IL1RAPL2: variants seen among roughly 807,000 people sequenced by gnomAD.
The protein encoded by IL1RAPL2 is X-linked interleukin-1 receptor accessory protein-like 2.
Under a neutral mutation model 44.1 loss-of-function variants are expected in IL1RAPL2, and 3 were observed. The observed-to-expected ratio is 0.07, with a 90% CI of 0.03 to 0.18. IL1RAPL2 has a LOEUF of 0.18. Among genes scored for constraint, IL1RAPL2 ranks in the 10% least tolerant of loss-of-function variants. The pLI, the probability that IL1RAPL2 is intolerant of heterozygous loss-of-function variation, is 1.00. For synonymous variants in IL1RAPL2, 181 were observed against 178.8 expected, an observed-to-expected ratio of 1.01 and a Z score of -0.10; for missense variants, 391 against 496.4, an observed-to-expected ratio of 0.79 and a Z score of 2.02.
At chrX:104,895,399 C>T (rs980574429) in intron 2 of IL1RAPL2, among the ~76,000 whole-genome samples, 8 of 112,780 alleles carry the variant, frequency 7.1e-5, no homozygotes, top group Admixed American at 3.7e-4. Flanking sequence ...TCTACAGAGG[C>T]AGGCAGGACT....
At chrX:105,198,190 A>T (rs76383813) in intron 3 of IL1RAPL2, among the ~76,000 whole-genome samples, 1,634 of 111,876 alleles carry the variant, frequency 0.015, 26 homozygotes, top group African/African-American at 0.05. Flanking sequence ...GCTATTGTGA[A>T]TAGCACTACG....
chrX:104,843,832 C>T (rs1176003023), intron 2 of IL1RAPL2, among the ~76,000 whole-genome samples: 3 of 110,564 alleles, frequency 2.7e-5, no homozygotes, highest in East Asian at 2.9e-4. Context: ...AGAGCTGTTT[C>T]TATTCGGCCA....
At chrX:104,885,476 C>T (rs1265352344) in intron 2 of IL1RAPL2, among the ~76,000 whole-genome samples, 5 of 111,896 alleles carry the variant, frequency 4.5e-5, no homozygotes, top group African/African-American at 1.3e-4. Context: ...AATATACTCC[C>T]CTGTCACCCA....
intron 2 of IL1RAPL2, among the ~76,000 whole-genome samples, chrX:105,162,754 G>A (rs961584293): frequency 2.7e-5 from 3 of 111,288 alleles, no homozygotes; most frequent in Non-Finnish European, 5.7e-5. Flanking sequence ...CTTGCAAACA[G>A]CAAACATTTA....
At chrX:104,682,942 G>A (rs762283162) in intron 2 of IL1RAPL2, among the ~76,000 whole-genome samples, 2 of 111,356 alleles carry the variant, frequency 1.8e-5, no homozygotes, top group African/African-American at 3.3e-5. Context: ...AACCAAATTC[G>A]AATGTGACTG....
At chrX:105,042,958 C>T (rs12859375) in intron 2 of IL1RAPL2, among the ~76,000 whole-genome samples, 1 of 105,544 alleles carries the variant, frequency 9.5e-6, no homozygotes, top group African/African-American at 3.5e-5. Flanking sequence ...AATCATCATT[C>T]TCAGTAAACT....
chrX:105,170,309 T>C (rs1343310634), intron 2 of IL1RAPL2, among the ~76,000 whole-genome samples: 1 of 111,698 alleles, frequency 9.0e-6, no homozygotes, highest in Non-Finnish European at 1.9e-5. Flanking sequence ...ATGAACTGAA[T>C]TATCACTTCT....
At position 104,890,405 on chromosome X, in the gene IL1RAPL2, G is replaced by C. The variant is rs748498187; in HGVS notation, c.82+231410G>C. Among the ~76,000 whole-genome samples, 18 of 111,799 alleles carry C rather than the reference G, an allele frequency of 1.6e-4. 1 individual carries two copies. In the East Asian group the frequency reaches 5.1e-3, roughly 31 times the overall value. On this transcript the variant is annotated intron_variant, in intron 2 of 10. Transcript: ENST00000372582. ...TCCACAATGATAGAACTAGTTTACA[G>C]TCCCACCAACAGTGTAAAAGTGTTC... is the stretch of plus-strand genomic sequence containing the variant.
chrX:105,193,145 T>C (rs1556138276), intron 2 of IL1RAPL2, among the ~76,000 whole-genome samples: 2 of 111,772 alleles, frequency 1.8e-5, no homozygotes, highest in African/African-American at 6.5e-5. Flanking sequence ...AATTATGCAA[T>C]AGATCACTTA....
chrX:105,630,106 C>CCAAACT (rs201214543), intron 6 of IL1RAPL2, among the ~76,000 whole-genome samples: 2 of 111,345 alleles, frequency 1.8e-5, no homozygotes, highest in Non-Finnish European at 3.8e-5. Flanking sequence ...AATAAGCAAT[C>CCAAACT]CAAACTCAAA....
At chrX:105,592,324 G>C (rs187395227) in intron 6 of IL1RAPL2, among the ~76,000 whole-genome samples, 2 of 111,753 alleles carry the variant, frequency 1.8e-5, no homozygotes, top group East Asian at 5.6e-4. Flanking sequence ...GGGTGTCATT[G>C]CCTGTGAGAT....
chrX:104,895,358 G>A (rs1923609840), intron 2 of IL1RAPL2, among the ~76,000 whole-genome samples: 1 of 112,778 alleles, frequency 8.9e-6, no homozygotes, highest in African/African-American at 3.2e-5. Context: ...GTTGCCTTTT[G>A]TTCGGCTATG....
At chrX:104,701,703 C>G (rs1323057511) in intron 2 of IL1RAPL2, among the ~76,000 whole-genome samples, 2 of 112,080 alleles carry the variant, frequency 1.8e-5, no homozygotes, top group African/African-American at 6.5e-5. Context: ...TGTCTAAGTA[C>G]TTACTGTCTA....
chrX:105,621,969 A>G (rs1206649491), intron 6 of IL1RAPL2, among the ~76,000 whole-genome samples: 1 of 109,820 alleles, frequency 9.1e-6, no homozygotes, highest in East Asian at 2.9e-4. Context: ...GTGTGTGTGT[A>G]TATGGGGGGA....
chrX:105,704,762 C>G (rs757890566), intron 6 of IL1RAPL2, among the ~76,000 whole-genome samples: 1 of 110,907 alleles, frequency 9.0e-6, no homozygotes, highest in South Asian at 3.8e-4. Flanking sequence ...GCTATTTTTC[C>G]TAATGTTCTC....
At chrX:105,095,669 T>C (rs766361472) in intron 2 of IL1RAPL2, among the ~76,000 whole-genome samples, 122 of 112,015 alleles carry the variant, frequency 1.1e-3, no homozygotes, top group Non-Finnish European at 7.1e-4. Flanking sequence ...TTTGGACCAC[T>C]TTCTCATGCC....
At chrX:105,741,083 C>A (rs2038496046) in intron 8 of IL1RAPL2, among the ~76,000 whole-genome samples, 1 of 111,009 alleles carries the variant, frequency 9.0e-6, no homozygotes, top group African/African-American at 3.3e-5. Flanking sequence ...TTTTTATTCC[C>A]TGACTAAAAA....
intron 6 of IL1RAPL2, among the ~76,000 whole-genome samples, chrX:105,627,333 C>T (rs1352534150): frequency 2.7e-5 from 3 of 111,362 alleles, no homozygotes; most frequent in African/African-American, 9.8e-5. Flanking sequence ...AACTCTATTA[C>T]AAGTAGAATT....
intron 2 of IL1RAPL2, among the ~76,000 whole-genome samples, chrX:104,810,718 C>G (rs914126296): frequency 8.9e-6 from 1 of 111,867 alleles, no homozygotes; most frequent in Non-Finnish European, 1.9e-5. Context: ...CTACAACATT[C>G]TGAAAAACTG....
Sources: allele counts gnomAD v4.1 joint callset (sites outside exome capture counted in the v4.1 genomes callset), GRCh38; gene constraint gnomAD v4.1.1; transcripts MANE v1.5; gene names NCBI Gene and HGNC (gene_info 2026-07-23, HGNC 2026-07-21).